AIG1: variants seen among roughly 807,000 people sequenced by gnomAD.
AIG1 encodes the protein androgen induced 1.
A neutral mutation model predicts 31.4 loss-of-function variants in AIG1; 23 were observed. The observed-to-expected ratio is 0.73, with a 90% confidence interval of 0.53 to 1.04. The LOEUF (loss-of-function observed/expected upper bound fraction) is 1.04. Ranked by LOEUF, AIG1 falls within the 50% of genes least tolerant of loss-of-function variation. The pLI is 0.00. For synonymous variants in AIG1, 100 were observed against 110.5 expected (o/e 0.90, Z 0.60); for missense variants, 274 against 295.0 (o/e 0.93, Z 0.52).
intron 3 of AIG1, among the ~76,000 whole-genome samples, chr6:143,261,313 A>G (rs1199661633): frequency 1.3e-5 from 2 of 152,092 alleles, no homozygotes; most frequent in African/African-American, 2.4e-5. Flanking sequence ...TCTATTTTTA[A>G]TAGAGACGAG....
intron 4 of AIG1, among the ~76,000 whole-genome samples, chr6:143,318,878 G>A (rs533469620): frequency 1.8e-4 from 28 of 152,164 alleles, no homozygotes; most frequent in South Asian, 4.1e-4. Flanking sequence ...ATGAAAAAAT[G>A]CTCAACATCA....
Position 143,177,669 on chromosome 6 carries a change from T to C in AIG1, c.399+12486T>C, listed in dbSNP as rs11757958. ...GAGCAGGGACACCAGGCAGATCAGT[T>C]TGGGGGCTCCGGCAGTAGGGAGCAT... On this transcript the variant is annotated intron_variant, in intron 3 of 5. Coordinates refer to ENST00000357847, the MANE Select transcript of AIG1 (RefSeq NM_016108.4). Among the ~76,000 whole-genome samples the C allele has an allele frequency of 1.4e-4, 21 of 152,162 alleles. No homozygotes were observed. The East Asian group carries it at 3.9e-3, about 28-fold the overall frequency.
intron 3 of AIG1, among the ~76,000 whole-genome samples, chr6:143,255,848 T>G (rs972076143): frequency 2.0e-5 from 3 of 152,144 alleles, no homozygotes; most frequent in African/African-American, 7.2e-5. Flanking sequence ...TCACAAAGAG[T>G]CTGTCATCCT....
At chr6:143,312,521 AC>A (rs1213812956) in intron 4 of AIG1, among the ~76,000 whole-genome samples, 1 of 152,138 alleles carries the variant, frequency 6.6e-6, no homozygotes, top group Non-Finnish European at 1.5e-5. Flanking sequence ...CAAGAATGAA[AC>A]TAGACCCCTA....
intron 3 of AIG1, among the ~76,000 whole-genome samples, chr6:143,261,932 G>T (rs1044599523): frequency 1.3e-5 from 2 of 152,194 alleles, no homozygotes; most frequent in African/African-American, 4.8e-5. Flanking sequence ...AAAAGCTAAT[G>T]GTTAGTTTAC....
At chr6:143,343,695 ATG>A (rs149239062), downstream of AIG1, among the ~76,000 whole-genome samples, 1 of 151,568 alleles carries the variant, frequency 6.6e-6, no homozygotes, top group Admixed American at 6.6e-5. Context: ...GTGTTTGTGT[ATG>A]TGTGTGTGTG....
intron 3 of AIG1, among the ~76,000 whole-genome samples, chr6:143,272,096 C>G (rs887253469): frequency 3.9e-5 from 6 of 152,100 alleles, no homozygotes; most frequent in Non-Finnish European, 8.8e-5. Context: ...TACTCTATTT[C>G]TATACTGTAT....
chr6:143,059,876 A>C (rs1358427573), upstream of AIG1, among the ~76,000 whole-genome samples: 3 of 152,200 alleles, frequency 2.0e-5, no homozygotes, highest in African/African-American at 7.2e-5. Flanking sequence ...CCACAGACTG[A>C]TGCAACTTCA....
chr6:143,327,490 T>A lies in AIG1; in HGVS notation c.516-5792T>A. On this transcript the variant is annotated intron_variant, in intron 4 of 5. Transcript: ENST00000357847. This position sits in a 1 kb window ranked among gnomAD's most constrained non-coding sequence, Gnocchi z 5.3. ...GCATTGATACCAGGCCCAACAAAACTGTCTGGGCCAAAGGAATAAGGAATG... is the reference window on the plus strand; with the variant it reads ...GCATTGATACCAGGCCCAACAAAACAGTCTGGGCCAAAGGAATAAGGAATG... 1 of 385,048 alleles carries A rather than the reference T, an allele frequency of 2.6e-6. No homozygotes were observed. The highest frequency in any genetic ancestry group is 3.2e-5 in the Admixed American group (1 of 31,198). The allele number at this position is 385,048 out of a possible 1,614,324, so 23.9% of individuals were successfully genotyped here.
intron 1 of AIG1, among the ~76,000 whole-genome samples, chr6:143,069,271 C>T (rs1562341334): frequency 6.6e-6 from 1 of 152,182 alleles, no homozygotes; most frequent in East Asian, 1.9e-4. Context: ...CCTGCCTTGG[C>T]CTCCCGAAGT....
intron 3 of AIG1, among the ~76,000 whole-genome samples, chr6:143,270,826 G>C (rs191135729): frequency 6.6e-6 from 1 of 152,030 alleles, no homozygotes; most frequent in Non-Finnish European, 1.5e-5. Context: ...TGTGCACATG[G>C]GTATGTGTGC....
At chr6:143,339,413 A>C in intron 5 of AIG1, 1 of 411,906 alleles carries the variant, frequency 2.4e-6, no homozygotes, top group South Asian at 3.0e-5. Context: ...CTGTGTCCTG[A>C]TTCTGTGGAA....
intron 3 of AIG1, among the ~76,000 whole-genome samples, chr6:143,243,667 A>G (rs1256613658): frequency 1.3e-5 from 2 of 152,254 alleles, no homozygotes; most frequent in Non-Finnish European, 2.9e-5. Context: ...AAGTATTGAT[A>G]TAGGACAGTG....
intron 2 of AIG1, among the ~76,000 whole-genome samples, chr6:143,148,756 C>T (rs1057228212): frequency 5.9e-5 from 9 of 151,516 alleles, no homozygotes; most frequent in African/African-American, 1.5e-4. Flanking sequence ...CCTAGAGATT[C>T]GAGCTGCAGT....
chr6:143,083,181 T>C (rs1265761677), intron 1 of AIG1, among the ~76,000 whole-genome samples: 1 of 152,234 alleles, frequency 6.6e-6, no homozygotes, highest in African/African-American at 2.4e-5. Flanking sequence ...TTGGAAACCT[T>C]GTAGCCACAA....
intron 4 of AIG1, among the ~76,000 whole-genome samples, chr6:143,308,903 A>G (rs989410476): frequency 1.1e-4 from 17 of 152,148 alleles, no homozygotes; most frequent in African/African-American, 4.1e-4. Context: ...TGAGTGTAAC[A>G]TCCATAGGGG....
At chr6:143,144,927 C>T (rs1784582059) in intron 2 of AIG1, among the ~76,000 whole-genome samples, 1 of 152,142 alleles carries the variant, frequency 6.6e-6, no homozygotes, top group Non-Finnish European at 1.5e-5. Context: ...GAGTGTAATC[C>T]AGCCAACTAT....
intron 1 of AIG1, among the ~76,000 whole-genome samples, chr6:143,106,382 G>T (rs973521873): frequency 6.6e-6 from 1 of 152,204 alleles, no homozygotes; most frequent in African/African-American, 2.4e-5. Context: ...AATTTCTGTT[G>T]TTTAAATCAT....
At chr6:143,225,098 T>C (rs1233480295) in intron 3 of AIG1, among the ~76,000 whole-genome samples, 1 of 152,160 alleles carries the variant, frequency 6.6e-6, no homozygotes, top group Non-Finnish European at 1.5e-5. Context: ...CTCTACCATT[T>C]CCCAACAGCC....
Sources: gnomAD v4.1 joint callset for allele counts (sites outside exome capture counted in the v4.1 genomes callset) on GRCh38, gnomAD v4.1.1 for gene constraint, Gnocchi (gnomAD v3.1) non-coding constraint, MANE v1.5 for transcripts, NCBI Gene and HGNC (gene_info 2026-07-23, HGNC 2026-07-21) for gene names.